SPMIP7: variants seen among roughly 807,000 people sequenced by gnomAD.
The protein encoded by SPMIP7 is sperm microtubule inner protein 7.
the SPMIP7 span, among the ~76,000 whole-genome samples, chr7:50,128,167 C>T: frequency 4.6e-5 from 7 of 152,032 alleles, no homozygotes; most frequent in Non-Finnish European, 8.8e-5. Context: ...TTTGTACCAA[C>T]GTGGATGGAA....
At chr7:50,112,134 G>A in the SPMIP7 span, among the ~76,000 whole-genome samples, 1 of 151,410 alleles carries the variant, frequency 6.6e-6, no homozygotes, top group Non-Finnish European at 1.5e-5. Flanking sequence ...GAAAAACAGA[G>A]AAAACCAAAA....
the SPMIP7 span, among the ~76,000 whole-genome samples, chr7:50,127,823 G>A: frequency 1.3e-5 from 2 of 151,956 alleles, no homozygotes; most frequent in South Asian, 2.1e-4. Flanking sequence ...ACAAATGCTG[G>A]TGAGGATATG....
At chr7:50,129,068 T>G in the SPMIP7 span, among the ~76,000 whole-genome samples, 1 of 151,966 alleles carries the variant, frequency 6.6e-6, no homozygotes, top group Non-Finnish European at 1.5e-5. Context: ...GAACTAGAAC[T>G]CTGAACCCAA....
At chr7:50,151,500 A>C in the SPMIP7 span, 1 of 1,551,658 alleles carries the variant, frequency 6.4e-7, no homozygotes, top group East Asian at 2.4e-5. Flanking sequence ...ACAGCCACCC[A>C]CCCAGCAAAT....
chr7:50,096,237 A>G, the SPMIP7 span: 10 of 1,551,810 alleles, frequency 6.4e-6, no homozygotes, highest in East Asian at 9.8e-5. Context: ...GAGAACAGAC[A>G]TAACTATGGC....
chr7:50,119,067 A>G, the SPMIP7 span, among the ~76,000 whole-genome samples: 6 of 152,190 alleles, frequency 3.9e-5, no homozygotes. Context: ...CAGACCTTTC[A>G]AAACCCAGAA....
the SPMIP7 span, among the ~76,000 whole-genome samples, chr7:50,145,447 A>G: frequency 6.7e-6 from 1 of 150,276 alleles, no homozygotes; most frequent in African/African-American, 2.4e-5. Flanking sequence ...TACAAGGAAC[A>G]TAAAAATTGA....
chr7:50,098,910 A>C, the SPMIP7 span, among the ~76,000 whole-genome samples: 3 of 152,152 alleles, frequency 2.0e-5, no homozygotes, highest in African/African-American at 7.2e-5. Flanking sequence ...CATACTGTGC[A>C]AATATCACCA....
chr7:50,107,362 C>CAAAAAAAAAAAAAAAAAAA, the SPMIP7 span, among the ~76,000 whole-genome samples: 1 of 16,652 alleles, frequency 6.0e-5, no homozygotes, highest in African/African-American at 2.9e-4. Flanking sequence ...GACTCTGTCT[C>CAAAAAAAAAAAAAAAAAAA]AAAAAAAAAA....
chr7:50,145,616 GTGTATATATATA>G, the SPMIP7 span, among the ~76,000 whole-genome samples: 57 of 26,946 alleles, frequency 2.1e-3, 3 homozygotes, highest in African/African-American at 3.8e-3. Context: ...GTATATGTGT[GTGTATATATATA>G]TATATATATA....
the SPMIP7 span, among the ~76,000 whole-genome samples, chr7:50,103,247 C>T: frequency 1.2e-4 from 18 of 151,812 alleles, no homozygotes; most frequent in Non-Finnish European, 2.4e-4. Flanking sequence ...TACATTTTGC[C>T]AAGTTGGATT....
chr7:50,147,625 G>A, the SPMIP7 span, among the ~76,000 whole-genome samples: 1 of 152,086 alleles, frequency 6.6e-6, no homozygotes, highest in African/African-American at 2.4e-5. Flanking sequence ...CGTATAACAT[G>A]GTTTTCTCCA....
the SPMIP7 span, among the ~76,000 whole-genome samples, chr7:50,130,678 A>G: frequency 4.0e-4 from 61 of 152,224 alleles, no homozygotes; most frequent in African/African-American, 1.2e-3. Context: ...TCCCACATGT[A>G]CAGGGTAGCA....
chr7:50,148,082 T>C, the SPMIP7 span, among the ~76,000 whole-genome samples: 1 of 152,226 alleles, frequency 6.6e-6, no homozygotes, highest in Admixed American at 6.5e-5. Flanking sequence ...CCAGAGAGTA[T>C]TCTCCTCTTA....
the SPMIP7 span, among the ~76,000 whole-genome samples, chr7:50,144,242 T>A: frequency 2.0e-5 from 3 of 152,208 alleles, no homozygotes. Context: ...ATGAAAATAA[T>A]TCAGATATTT....
At chr7:50,117,586 T>C in the SPMIP7 span, among the ~76,000 whole-genome samples, 1 of 152,220 alleles carries the variant, frequency 6.6e-6, no homozygotes, top group African/African-American at 2.4e-5. Flanking sequence ...AAGACCACAA[T>C]TGTGAGTGTA....
the SPMIP7 span, among the ~76,000 whole-genome samples, chr7:50,158,894 G>C: frequency 6.6e-6 from 1 of 152,154 alleles, no homozygotes; most frequent in African/African-American, 2.4e-5. Context: ...CTGCAGCTGA[G>C]TGCTCCCCAG....
At chr7:50,128,815 T>C in the SPMIP7 span, among the ~76,000 whole-genome samples, 1 of 151,986 alleles carries the variant, frequency 6.6e-6, no homozygotes, top group African/African-American at 2.4e-5. Context: ...ATGAAAGTTA[T>C]GAATTGTTAA....
the SPMIP7 span, among the ~76,000 whole-genome samples, chr7:50,127,485 C>T: frequency 1.3e-5 from 2 of 151,380 alleles, no homozygotes; most frequent in Non-Finnish European, 3.0e-5. Flanking sequence ...AAAATATTTG[C>T]AAACTACCCA....
Sources: allele counts gnomAD v4.1 joint callset (sites outside exome capture counted in the v4.1 genomes callset), GRCh38; gene constraint gnomAD v4.1.1; transcripts MANE v1.5; gene names NCBI Gene and HGNC (gene_info 2026-07-23, HGNC 2026-07-21).